The following ARHGAP19 variants were observed in gnomAD, a reference collection of about 807,000 sequenced individuals.
The protein encoded by ARHGAP19 is rho GTPase-activating protein 19.
In ARHGAP19, 48 loss-of-function variants were observed where a neutral mutation model predicts 60.9. That is an observed-to-expected ratio of 0.79 (90% CI 0.62 to 1.00). ARHGAP19 has a LOEUF of 1.00. Ranked by LOEUF, ARHGAP19 falls within the 50% of genes least tolerant of loss-of-function variation. ARHGAP19 has a pLI of 0.00. For missense variants in ARHGAP19, 562 were observed against 597.2 expected (o/e 0.94, Z 0.61); for synonymous variants, 209 against 215.5 (o/e 0.97, Z 0.27).
Position 97,264,369 on chromosome 10 carries a change from C to T in ARHGAP19, c.403+457G>A, listed in dbSNP as rs146381590. On this transcript the variant is annotated intron_variant, in intron 3 of 11. Coordinates refer to ENST00000358531, the MANE Select transcript of ARHGAP19 (RefSeq NM_032900.6). ...TAGGGAGGCCAAGGTGGGAGAATCACCTGAGCCCGGGAGGTCAAGGCTGCA... is the reference window on the plus strand; with the variant it reads ...TAGGGAGGCCAAGGTGGGAGAATCATCTGAGCCCGGGAGGTCAAGGCTGCA... 3.9e-5 allele frequency among the ~76,000 whole-genome samples: 6 copies of T among 151,982 alleles called. No homozygotes were observed. In the East Asian group the frequency reaches 1.2e-3, roughly 29 times the overall value.
intron 6 of ARHGAP19, among the ~76,000 whole-genome samples, chr10:97,255,190 C>T (rs777520184): frequency 1.4e-4 from 21 of 152,224 alleles, no homozygotes; most frequent in African/African-American, 3.6e-4. Flanking sequence ...CAGAACTGTA[C>T]GCTTAAAAAT....
chr10:97,233,954 G>T (rs536314221), intron 9 of ARHGAP19, among the ~76,000 whole-genome samples: 80 of 151,394 alleles, frequency 5.3e-4, no homozygotes, highest in African/African-American at 1.9e-3. Context: ...GGGGTGGAGT[G>T]GGGGGAAGGA....
intron 8 of ARHGAP19, among the ~76,000 whole-genome samples, chr10:97,239,658 G>A (rs1343617804): frequency 6.7e-6 from 1 of 150,182 alleles, no homozygotes; most frequent in Non-Finnish European, 1.5e-5. Flanking sequence ...AAAGATATTA[G>A]GGGAAAAAAA....
intron 1 of ARHGAP19, among the ~76,000 whole-genome samples, chr10:97,281,294 AG>A (rs1210663156): frequency 6.6e-6 from 1 of 152,032 alleles, no homozygotes; most frequent in African/African-American, 2.4e-5. Context: ...CCAACTACTC[AG>A]GAGGCTGAGG....
At chr10:97,239,265 TG>T (rs1442794755) in intron 8 of ARHGAP19, among the ~76,000 whole-genome samples, 1 of 151,744 alleles carries the variant, frequency 6.6e-6, no homozygotes, top group Non-Finnish European at 1.5e-5. Flanking sequence ...GAGGCCGAGG[TG>T]GGGGGATCAC....
At chr10:97,261,861 A>G (rs1842833796) in intron 4 of ARHGAP19, among the ~76,000 whole-genome samples, 1 of 152,228 alleles carries the variant, frequency 6.6e-6, no homozygotes, top group Non-Finnish European at 1.5e-5. Flanking sequence ...TTAAGAATGA[A>G]TTCCCTACCA....
At chr10:97,281,219 CAAAAAA>C (rs56674405) in intron 1 of ARHGAP19, among the ~76,000 whole-genome samples, 69,761 of 131,582 alleles carry the variant, frequency 0.53, 18,577 homozygotes, top group East Asian at 0.73. Context: ...TCTGTCACTA[CAAAAAA>C]AAAAAAAAAA....
At chr10:97,278,303 A>T (rs1484852308) in intron 1 of ARHGAP19, among the ~76,000 whole-genome samples, 2 of 152,246 alleles carry the variant, frequency 1.3e-5, no homozygotes, top group Non-Finnish European at 1.5e-5. Context: ...AATTTTAAAT[A>T]TTCTGCACGA....
At chr10:97,246,237 C>G (rs1214820661) in intron 7 of ARHGAP19, 35 bp downstream of exon 7, 1 of 1,557,530 alleles carries the variant, frequency 6.4e-7, no homozygotes, top group East Asian at 2.2e-5. Context: ...TTAATGCTCT[C>G]CTTGTTTGGG....
intron 2 of ARHGAP19, 78 bp from the exon 3 acceptor site, chr10:97,264,984 A>G: frequency 9.3e-7 from 1 of 1,080,864 alleles, no homozygotes; most frequent in Non-Finnish European, 1.4e-6. Context: ...CCACTCAAGC[A>G]TCCTATTTTA....
intron 6 of ARHGAP19, among the ~76,000 whole-genome samples, chr10:97,253,417 A>AAAAAG (rs1163391336): frequency 6.6e-6 from 1 of 151,104 alleles, no homozygotes; most frequent in Non-Finnish European, 1.5e-5. Context: ...GGTGAGGGAG[A>AAAAAG]AAAAGAAAAG....
rs1293809826 is a variant in ARHGAP19 at position 97,222,573 on chromosome 10, CG to C, written c.*3548del. 2 of 152,218 alleles carry C rather than the reference CG, an allele frequency of 1.3e-5. No individual in the cohort carries two copies. Among genetic ancestry groups the C allele is most frequent in the Non-Finnish European group, 2.9e-5 (2 of 68,026 alleles). The allele number at this position is 152,218 out of a possible 1,614,324, so 9.4% of individuals were successfully genotyped here. ...TCAACTCTACGCTGGTAGAAGATCT[CG>C]GCATTAGCTGTCTGGGGAAGCTAAC... On this transcript the variant is annotated 3_prime_UTR_variant, in exon 12 of 12. Transcript: ENST00000358531.
intron 1 of ARHGAP19, among the ~76,000 whole-genome samples, chr10:97,271,098 TAAAC>T (rs1027625171): frequency 4.6e-5 from 7 of 152,264 alleles, no homozygotes; most frequent in African/African-American, 1.4e-4. Context: ...AAGAGTTTCT[TAAAC>T]AAGACATAAA....
chr10:97,227,074 C>G (rs1393121849), intron 11 of ARHGAP19, among the ~76,000 whole-genome samples: 5 of 152,246 alleles, frequency 3.3e-5, no homozygotes, highest in Admixed American at 3.3e-4. Context: ...CATGGCAGCT[C>G]CTACAACAAA....
At chr10:97,238,656 G>C (rs1161358457) in intron 8 of ARHGAP19, among the ~76,000 whole-genome samples, 4 of 152,152 alleles carry the variant, frequency 2.6e-5, no homozygotes, top group Non-Finnish European at 4.4e-5. Flanking sequence ...TTTAAGCTAA[G>C]TGTTATTACA....
intron 8 of ARHGAP19, among the ~76,000 whole-genome samples, chr10:97,236,700 G>A (rs1402482121): frequency 2.0e-5 from 3 of 151,116 alleles, no homozygotes; most frequent in South Asian, 2.1e-4. Flanking sequence ...TCAGCTACTC[G>A]GGAGGCTGTG....
intron 8 of ARHGAP19, among the ~76,000 whole-genome samples, chr10:97,236,110 G>A (rs551284088): frequency 3.6e-4 from 55 of 152,028 alleles, no homozygotes; most frequent in Non-Finnish European, 6.5e-4. Flanking sequence ...CGAGTAGCTG[G>A]GATTACAGGC....
intron 8 of ARHGAP19, among the ~76,000 whole-genome samples, chr10:97,238,280 C>T (rs1481617617): frequency 6.6e-6 from 1 of 152,150 alleles, no homozygotes; most frequent in Admixed American, 6.5e-5. Flanking sequence ...GATCATAGCT[C>T]ACCGCAGCCC....
At chr10:97,257,884 A>T (rs1391748027) in intron 5 of ARHGAP19, among the ~76,000 whole-genome samples, 1 of 152,134 alleles carries the variant, frequency 6.6e-6, no homozygotes, top group African/African-American at 2.4e-5. Context: ...TATTTCTATT[A>T]TCTTCCCAAC....
Sources: allele counts gnomAD v4.1 joint callset (sites outside exome capture counted in the v4.1 genomes callset), GRCh38; gene constraint gnomAD v4.1.1; transcripts MANE v1.5; gene names NCBI Gene and HGNC (gene_info 2026-07-23, HGNC 2026-07-21).